Variants in STRN observed in about 807,000 individuals in gnomAD.
STRN encodes protein phosphatase 2 regulatory subunit B'''alpha.
A neutral mutation model predicts 96.3 loss-of-function variants in STRN; 53 were observed. The observed-to-expected ratio is 0.55, with a 90% CI of 0.44 to 0.69. The LOEUF (loss-of-function observed/expected upper bound fraction) is 0.69. Ranked by LOEUF, STRN falls within the 30% of genes least tolerant of loss-of-function variation. The probability of loss-of-function intolerance (pLI) is 0.00; values close to 1 mark genes in which losing one functional copy is unlikely to be tolerated. For synonymous variants in STRN, 428 were observed against 355.9 expected (o/e 1.20, Z -2.28); for missense variants, 987 against 963.9 (o/e 1.02, Z -0.32).
intron 13 of STRN, among the ~76,000 whole-genome samples, chr2:36,860,023 C>A (rs1668436566): frequency 6.6e-6 from 1 of 152,062 alleles, no homozygotes; most frequent in Non-Finnish European, 1.5e-5. Flanking sequence ...AAGAGAGGGA[C>A]TAAACAGAAG....
Position 36,840,603 on chromosome 2 carries a change from A to G in STRN, c.*8853T>C, listed in dbSNP as rs1352048691. The G allele has an allele frequency of 4.0e-5, 6 of 148,232 alleles. No individual in the cohort carries two copies. The highest frequency in any genetic ancestry group is 8.9e-5 in the Non-Finnish European group (6 of 67,658). 9.2% of individuals were successfully genotyped at this position (148,232 alleles called of 1,614,324 possible). A position where few individuals can be genotyped will look rare whatever the true frequency, so the allele number is the denominator to read the frequency against. ...TTTAGATTTTGAAATGGGCTCTCTG[A>G]TTACTCAGCCAACAAATATTTATAG... On this transcript the variant is annotated 3_prime_UTR_variant, in exon 18 of 18. Transcript: ENST00000263918.
At chr2:36,960,380 G>A (rs1664999020) in intron 1 of STRN, among the ~76,000 whole-genome samples, 1 of 152,100 alleles carries the variant, frequency 6.6e-6, no homozygotes, top group Non-Finnish European at 1.5e-5. Flanking sequence ...TAGTGCCTGG[G>A]TCAGACCCAG....
chr2:36,907,718 G>T (rs1025375105), intron 3 of STRN, among the ~76,000 whole-genome samples: 1 of 152,092 alleles, frequency 6.6e-6, no homozygotes, highest in African/African-American at 2.4e-5. Context: ...AAACACAATT[G>T]TAAGTGTTGA....
chr2:36,954,814 T>C (rs1157199798), intron 1 of STRN, among the ~76,000 whole-genome samples: 2 of 151,948 alleles, frequency 1.3e-5, no homozygotes, highest in African/African-American at 4.8e-5. Flanking sequence ...ATTTTTTGTA[T>C]TTTTAGTAGA....
intron 9 of STRN, among the ~76,000 whole-genome samples, 164 bp downstream of exon 9, chr2:36,883,768 A>C (rs1020071567): frequency 6.6e-6 from 1 of 152,202 alleles, no homozygotes; most frequent in East Asian, 1.9e-4. Flanking sequence ...TGAAGTTGGA[A>C]TCAAACTCCC....
chr2:36,949,603 A>C (rs1664702093), intron 1 of STRN, among the ~76,000 whole-genome samples: 1 of 152,200 alleles, frequency 6.6e-6, no homozygotes, highest in Admixed American at 6.5e-5. Context: ...ATGGATTTTA[A>C]ACTACGTATT....
intron 1 of STRN, among the ~76,000 whole-genome samples, chr2:36,954,635 C>CTT (rs1250882115): frequency 2.8e-5 from 4 of 141,274 alleles, no homozygotes; most frequent in Non-Finnish European, 4.7e-5. Flanking sequence ...GAGAGAACCA[C>CTT]TTTTTTTTTT....
Position 36,894,041 on chromosome 2 carries a change from A to G in STRN, c.796-8T>C, listed in dbSNP as rs1268599324. On this transcript the variant is annotated splice_polypyrimidine_tract_variant and splice_region_variant and intron_variant, in intron 6 of 17. Coordinates refer to ENST00000263918, the MANE Select transcript of STRN (RefSeq NM_003162.4). ...TGCTTTTTTCCTAACAATCTAATGAAAAAACATGCTAAATTAAATAAAGGA... is the reference window on the plus strand; with the variant it reads ...TGCTTTTTTCCTAACAATCTAATGAGAAAACATGCTAAATTAAATAAAGGA... 6.2e-7 allele frequency: 1 copy of G among 1,606,704 alleles called. No homozygotes were observed. The highest frequency in any genetic ancestry group is 8.5e-7 in the Non-Finnish European group (1 of 1,178,310).
Position 36,850,943 on chromosome 2 carries a change from G to T in STRN, c.2086+57C>A, listed in dbSNP as rs1668204447. Reference sequence around the variant, plus strand: ...AAGAGACACCAAAATTAGCCTACTTGTGGTAGGGATTTTTTTTTTTTGCTT... The same window carrying T: ...AAGAGACACCAAAATTAGCCTACTTTTGGTAGGGATTTTTTTTTTTTGCTT... On this transcript the variant is annotated intron_variant, in intron 16 of 17. Coordinates refer to ENST00000263918, the MANE Select transcript of STRN (RefSeq NM_003162.4). The T allele has an allele frequency of 9.1e-6, 12 of 1,318,090 alleles. No individual in the cohort carries two copies. In the South Asian group the frequency reaches 1.5e-4, roughly 16 times the overall value. 81.6% of individuals were successfully genotyped at this position (1,318,090 alleles called of 1,614,324 possible). A position where few individuals can be genotyped will look rare whatever the true frequency, so the allele number is the denominator to read the frequency against.
At chr2:36,949,951 G>T (rs149913853) in intron 1 of STRN, among the ~76,000 whole-genome samples, 78 of 152,188 alleles carry the variant, frequency 5.1e-4, no homozygotes, top group African/African-American at 1.7e-3. Context: ...ATATAATTTG[G>T]TAATCAATTA....
At chr2:36,875,977 C>A (rs763108880) in intron 10 of STRN, among the ~76,000 whole-genome samples, 31 of 151,812 alleles carry the variant, frequency 2.0e-4, no homozygotes, top group Non-Finnish European at 3.5e-4. Context: ...TTTTTTAAAT[C>A]TTTATCAGGT....
At chr2:36,861,319 A>G (rs758090663) in intron 12 of STRN, 66 bp from the exon 13 acceptor site, 30 of 1,563,668 alleles carry the variant, frequency 1.9e-5, no homozygotes, top group Middle Eastern at 3.4e-4. Flanking sequence ...ATGACTTGTT[A>G]AAAATAAGAA....
At chr2:36,934,853 G>C (rs551367448) in intron 1 of STRN, among the ~76,000 whole-genome samples, 1 of 152,164 alleles carries the variant, frequency 6.6e-6, no homozygotes, top group Non-Finnish European at 1.5e-5. Flanking sequence ...TAGATGGATG[G>C]ATCACTTGAA....
At chr2:36,883,130 T>C (rs997389773) in intron 9 of STRN, among the ~76,000 whole-genome samples, 1 of 152,192 alleles carries the variant, frequency 6.6e-6, no homozygotes, top group Non-Finnish European at 1.5e-5. Flanking sequence ...CATATTTTTA[T>C]ATAGGTATAT....
intron 1 of STRN, among the ~76,000 whole-genome samples, chr2:36,936,871 A>G (rs1447375986): frequency 6.6e-6 from 1 of 152,202 alleles, no homozygotes; most frequent in African/African-American, 2.4e-5. Flanking sequence ...CTGAATTTTC[A>G]GAATAAAGCA....
At chr2:36,853,926 G>A (rs1486896216) in intron 15 of STRN, among the ~76,000 whole-genome samples, 1 of 152,134 alleles carries the variant, frequency 6.6e-6, no homozygotes, top group East Asian at 1.9e-4. Context: ...ATTTATTCCA[G>A]TAATGTTGCC....
chr2:36,897,310 C>A (rs181264666), intron 6 of STRN, among the ~76,000 whole-genome samples: 36 of 152,038 alleles, frequency 2.4e-4, no homozygotes, highest in African/African-American at 8.0e-4. Flanking sequence ...TTGTTAAAGT[C>A]CTTTTCGGCA....
intron 3 of STRN, among the ~76,000 whole-genome samples, chr2:36,914,663 T>A (rs1026957074): frequency 6.6e-6 from 1 of 152,160 alleles, no homozygotes; most frequent in Non-Finnish European, 1.5e-5. Context: ...CATTTAGAAG[T>A]CATTTTGGAA....
At chr2:36,869,894 T>C (rs1051508212) in intron 10 of STRN, among the ~76,000 whole-genome samples, 165 bp from the exon 11 acceptor site, 1 of 152,166 alleles carries the variant, frequency 6.6e-6, no homozygotes, top group Non-Finnish European at 1.5e-5. Context: ...GAAGCAAAAT[T>C]AGCAATAACC....
Sources: gnomAD v4.1 joint callset for allele counts (sites outside exome capture counted in the v4.1 genomes callset) on GRCh38, gnomAD v4.1.1 for gene constraint, MANE v1.5 for transcripts, NCBI Gene and HGNC (gene_info 2026-07-23, HGNC 2026-07-21) for gene names.